Variants in GALNT15 observed in about 807,000 individuals in gnomAD.
GALNT15 encodes polypeptide N-acetylgalactosaminyltransferase 15.
GALNT15 carries 67 observed loss-of-function variants against 66.8 expected under a neutral mutation model. The observed-to-expected ratio is 1.00, with a 90% CI of 0.82 to 1.23. The LOEUF (loss-of-function observed/expected upper bound fraction) is 1.23, where lower values mean the gene tolerates loss of function less well. Ranked by LOEUF, GALNT15 falls within the 50% of genes most tolerant of loss-of-function variation. GALNT15 has a pLI of 0.00. For missense variants in GALNT15, 827 were observed against 804.3 expected, an observed-to-expected ratio of 1.03 and a Z score of -0.34; for synonymous variants, 313 against 311.5, an observed-to-expected ratio of 1.00 and a Z score of -0.05.
intron 8 of GALNT15, among the ~76,000 whole-genome samples, chr3:16,222,182 A>G (rs953613481): frequency 6.6e-6 from 1 of 152,246 alleles, no homozygotes; most frequent in Non-Finnish European, 1.5e-5. Flanking sequence ...AGAGGAAACA[A>G]TAACCATGAG....
At chr3:16,222,861 C>A (rs1426260103) in intron 9 of GALNT15, 103 bp downstream of exon 9, 8 of 1,304,194 alleles carry the variant, frequency 6.1e-6, no homozygotes, top group South Asian at 1.4e-5. Flanking sequence ...GTATTAGGGA[C>A]CTCTGCCTCT....
At chr3:16,243,320 C>G in the GALNT15 span, among the ~76,000 whole-genome samples, 2 of 152,188 alleles carry the variant, frequency 1.3e-5, no homozygotes, top group African/African-American at 4.8e-5. Context: ...CCCAAGGATG[C>G]GACACTGGAC....
chr3:16,218,211 AAAAG>A (rs1358863417), intron 6 of GALNT15, among the ~76,000 whole-genome samples: 1 of 152,218 alleles, frequency 6.6e-6, no homozygotes, highest in Non-Finnish European at 1.5e-5. Flanking sequence ...GCTGAGGTCT[AAAAG>A]AGAGAGGGAA....
intron 2 of GALNT15, among the ~76,000 whole-genome samples, chr3:16,196,616 C>T (rs7639965): frequency 1.3e-5 from 2 of 152,036 alleles, no homozygotes; most frequent in Admixed American, 1.3e-4. Context: ...TCACCTGGTG[C>T]GATTTTTAAA....
chr3:16,185,872 C>A (rs114205218), intron 1 of GALNT15, among the ~76,000 whole-genome samples: 3,041 of 152,198 alleles, frequency 0.02, 111 homozygotes, highest in African/African-American at 0.069. Context: ...GCTCTAGTTT[C>A]CTCATCTTAA....
rs981930519 is a variant in GALNT15 at position 16,176,181 on chromosome 3, A to G, written c.539+491A>G. On this transcript the variant is annotated intron_variant, in intron 1 of 9. Transcript: ENST00000339732. This position sits in a 1 kb window ranked among gnomAD's most constrained non-coding sequence, Gnocchi z 5.6. Reference sequence around the variant, plus strand: ...TAGTTTGGATCAAAATAACAATTGCAGTTTACATTTAGGGGGCTCTTCCCA... The same window carrying G: ...TAGTTTGGATCAAAATAACAATTGCGGTTTACATTTAGGGGGCTCTTCCCA... Among the ~76,000 whole-genome samples the G allele has an allele frequency of 6.6e-6, 1 of 152,204 alleles. No homozygotes were observed. Among genetic ancestry groups the G allele is most frequent in the African/African-American group, 2.4e-5 (1 of 41,454 alleles).
chr3:16,185,819 C>G (rs2063511567), intron 1 of GALNT15, among the ~76,000 whole-genome samples: 1 of 152,080 alleles, frequency 6.6e-6, no homozygotes, highest in South Asian at 2.1e-4. Context: ...ATACTATCAG[C>G]TATTTGCCGT....
At chr3:16,201,854 G>A (rs1415468088) in intron 3 of GALNT15, among the ~76,000 whole-genome samples, 2 of 152,150 alleles carry the variant, frequency 1.3e-5, no homozygotes, top group Admixed American at 1.3e-4. Context: ...TCCTACCCAG[G>A]AAAACTGAAA....
chr3:16,197,254 A>C (rs1451206283), intron 2 of GALNT15, among the ~76,000 whole-genome samples: 1 of 152,098 alleles, frequency 6.6e-6, no homozygotes, highest in Non-Finnish European at 1.5e-5. Flanking sequence ...CAGAGCTGGC[A>C]GCCCCACCAG....
the GALNT15 span, among the ~76,000 whole-genome samples, chr3:16,243,104 T>C: frequency 1.3e-5 from 2 of 152,156 alleles, no homozygotes; most frequent in African/African-American, 2.4e-5. Context: ...TCCTCTCTTA[T>C]TGGTTGAGGG....
Position 16,225,486 on chromosome 3 carries a change from G to T in GALNT15, c.1774-1868G>T, listed in dbSNP as rs1204739517. ...CCGAGGCAGGTGGATCACGAGGTCA[G>T]GAGGCTGAGACCAGCCTGGCCAATA... On this transcript the variant is annotated intron_variant, in intron 9 of 9. Transcript: ENST00000339732. This position sits in a 1 kb window ranked among gnomAD's most constrained non-coding sequence, Gnocchi z 4.4. Among the ~76,000 whole-genome samples, 1 of 152,198 alleles carries T rather than the reference G, an allele frequency of 6.6e-6. No homozygotes were observed. Among genetic ancestry groups the T allele is most frequent in the East Asian group, 1.9e-4 (1 of 5,196 alleles).
chr3:16,179,128 C>A (rs992913472), intron 1 of GALNT15, among the ~76,000 whole-genome samples: 1 of 152,202 alleles, frequency 6.6e-6, no homozygotes, highest in African/African-American at 2.4e-5. Context: ...AAAAGACAGT[C>A]TCTGAAAAGA....
chr3:16,192,559 T>C (rs2063590381), intron 1 of GALNT15, among the ~76,000 whole-genome samples: 1 of 152,200 alleles, frequency 6.6e-6, no homozygotes, highest in East Asian at 1.9e-4. Flanking sequence ...TTTACCCAAA[T>C]GCATGGCCAC....
chr3:16,209,428 C>T lies in GALNT15; in HGVS notation c.1079+758C>T, dbSNP rs2063789343. 6.6e-6 allele frequency among the ~76,000 whole-genome samples: 1 copy of T among 152,220 alleles called. No homozygotes were observed. Among genetic ancestry groups the T allele is most frequent in the Non-Finnish European group, 1.5e-5 (1 of 68,040 alleles). The stretch of plus-strand genomic sequence containing the variant: ...AGCCAGGCCCTTGAGACGACTGCTT[C>T]ACTGCTATGCTATATTTTAAATACA... On this transcript the variant is annotated intron_variant, in intron 4 of 9. Coordinates refer to ENST00000339732, the MANE Select transcript of GALNT15 (RefSeq NM_054110.5). The surrounding 1 kb of genome is among the most constrained non-coding windows in gnomAD (Gnocchi z 4.1).
intron 8 of GALNT15, chr3:16,220,242 T>G (rs2063928917): frequency 3.6e-6 from 2 of 548,026 alleles, no homozygotes; most frequent in Admixed American, 3.1e-5. Context: ...AGCATCTTAG[T>G]TAAAGGGAAA....
At position 16,219,518 on chromosome 3, in the gene GALNT15, C is replaced by A. The variant is rs375271964; in HGVS notation, c.1508C>A (p.Pro503His). Residue 503 changes from proline to histidine, a missense_variant, in exon 7 of 10, where the codon CCC becomes CAC. Pro to His is a moderately conservative substitution (Grantham distance 77, BLOSUM62 -2). Transcript: ENST00000339732. The surrounding 1 kb of genome is among the most constrained non-coding windows in gnomAD (Gnocchi z 4.3). Reference sequence around the variant, plus strand: ...GAGCTGTACCCATCTGAACCCAGGCCCAGTTTCTCTGGAAAGGCAAGGCAT... The same window carrying A: ...GAGCTGTACCCATCTGAACCCAGGCACAGTTTCTCTGGAAAGGCAAGGCAT... ...YPELYPSEPR[P>H]SFSGKLHNTG... The A allele has an allele frequency of 1.2e-6, 2 of 1,613,954 alleles. No homozygotes were observed. Among genetic ancestry groups the A allele is most frequent in the African/African-American group, 2.7e-5 (2 of 74,898 alleles).
Position 16,199,012 on chromosome 3 carries a change from C to T in GALNT15, c.707-1607C>T, listed in dbSNP as rs181579892. On this transcript the variant is annotated intron_variant, in intron 2 of 9. Transcript: ENST00000339732. ...ACATGTACTGAGTGCCTACTGTGGG[C>T]CAGGCCCTGCACTAAGGGTTAGAGC... 2.6e-3 allele frequency among the ~76,000 whole-genome samples: 368 copies of T among 142,636 alleles called. 44 individuals are homozygous for T. Among genetic ancestry groups the T allele is most frequent in the African/African-American group, 8.9e-3 (340 of 38,382 alleles). 93.6% of individuals were successfully genotyped at this position (142,636 alleles called of 152,430 possible). A position where few individuals can be genotyped will look rare whatever the true frequency, so the allele number is the denominator to read the frequency against.
rs140180672 is a variant in GALNT15, at chr3:16,185,692, G to T, written c.539+10002G>T. On this transcript the variant is annotated intron_variant, in intron 1 of 9. Transcript: ENST00000339732. ...TAACCTTCCATCATTGTCCCTTTAT[G>T]ACTCTGAATCCAGAACATTCTGCTC... 7.0e-3 allele frequency among the ~76,000 whole-genome samples: 1,065 copies of T among 152,274 alleles called. 10 individuals are homozygous for T. Among genetic ancestry groups the T allele is most frequent in the Non-Finnish European group, 8.2e-3 (556 of 68,032 alleles).
At chr3:16,192,642 G>A (rs2063591071) in intron 1 of GALNT15, among the ~76,000 whole-genome samples, 1 of 152,204 alleles carries the variant, frequency 6.6e-6, no homozygotes, top group African/African-American at 2.4e-5. Flanking sequence ...TGAGGGCAGA[G>A]CAGAAATTCT....
Sources: gnomAD v4.1 joint callset for allele counts (sites outside exome capture counted in the v4.1 genomes callset) on GRCh38, gnomAD v4.1.1 for gene constraint, Gnocchi (gnomAD v3.1) non-coding constraint, MANE v1.5 for transcripts, NCBI Gene and HGNC (gene_info 2026-07-23, HGNC 2026-07-21) for gene names.